FGF7: variants seen among roughly 807,000 people sequenced by gnomAD.
FGF7 encodes fibroblast growth factor 7, also known as FGF-7.
A neutral mutation model predicts 20.5 loss-of-function variants in FGF7; 6 were observed. That is an observed-to-expected ratio of 0.29 (90% confidence interval 0.16 to 0.58). The LOEUF (loss-of-function observed/expected upper bound fraction) is 0.58. FGF7 is among the 20% of genes least tolerant of loss of function. The pLI is 0.90. For missense variants in FGF7, 144 were observed against 228.8 expected (o/e 0.63, Z 2.39); for synonymous variants, 64 against 74.7 (o/e 0.86, Z 0.74).
chr15:49,447,895 A>G (rs2052373580), intron 2 of FGF7, among the ~76,000 whole-genome samples: 1 of 151,706 alleles, frequency 6.6e-6, no homozygotes, highest in South Asian at 2.1e-4. Flanking sequence ...CATGCCAATT[A>G]ATATAAGGTA....
intron 2 of FGF7, among the ~76,000 whole-genome samples, chr15:49,427,588 A>G (rs1293568469): frequency 6.6e-6 from 1 of 152,142 alleles, no homozygotes; most frequent in South Asian, 2.1e-4. Flanking sequence ...TATGCAAAAT[A>G]TAATTATTCT....
rs1480278300 is a variant in FGF7, at chr15:49,485,622, AG to A, written c.*1120del. The A allele has an allele frequency of 6.6e-6, 1 of 152,516 alleles. No individual in the cohort carries two copies. Among genetic ancestry groups the A allele is most frequent in the African/African-American group, 2.4e-5 (1 of 41,440 alleles). The allele number at this position is 152,516 out of a possible 1,614,324, so 9.4% of individuals were successfully genotyped here. On this transcript the variant is annotated 3_prime_UTR_variant, in exon 4 of 4. Transcript: ENST00000267843. ...AGCACTTGGGCCAGCAAATCCTGGAAGGCAGACAAAAATAAGAGCCTGAAGC... is the reference window on the plus strand; with the variant it reads ...AGCACTTGGGCCAGCAAATCCTGGAAGCAGACAAAAATAAGAGCCTGAAGC...
intron 2 of FGF7, among the ~76,000 whole-genome samples, chr15:49,456,225 C>G (rs1222325166): frequency 6.6e-6 from 1 of 151,880 alleles, no homozygotes; most frequent in Non-Finnish European, 1.5e-5. Flanking sequence ...CCCTATTTCC[C>G]TCTGAGACTT....
chr15:49,463,426 C>T (rs536911219), intron 2 of FGF7, among the ~76,000 whole-genome samples: 6 of 151,900 alleles, frequency 3.9e-5, no homozygotes, highest in South Asian at 2.1e-4. Flanking sequence ...TGGTGATGGG[C>T]GCCTGTAATC....
Position 49,424,327 on chromosome 15 carries a change from G to C in FGF7, c.30G>C (p.Leu10=). Residue 10 remains leucine, a synonymous_variant, in exon 2 of 4, where the codon CTG becomes CTC. Transcript: ENST00000267843. MHKWILTWI[L]PTLLYRSCFH... ...ACAAATGGATACTGACATGGATCCT[G>C]CCAACTTTGCTCTACAGATCATGCT... is the stretch of plus-strand genomic sequence containing the variant. 1 of 1,613,558 alleles carries C rather than the reference G, an allele frequency of 6.2e-7. No individual in the cohort carries two copies. The highest frequency in any genetic ancestry group is 8.5e-7 in the Non-Finnish European group (1 of 1,179,602).
At chr15:49,482,590 T>G (rs1372122984) in intron 2 of FGF7, among the ~76,000 whole-genome samples, 1 of 152,006 alleles carries the variant, frequency 6.6e-6, no homozygotes, top group East Asian at 1.9e-4. Flanking sequence ...AAGATAAAGT[T>G]TATCCAAATA....
chr15:49,424,650 T>C, intron 2 of FGF7, 67 bp downstream of exon 2: 1 of 1,211,030 alleles, frequency 8.3e-7, no homozygotes, highest in Non-Finnish European at 1.1e-6. Flanking sequence ...TCAGGTGATA[T>C]GTTTTCTCAT....
At chr15:49,450,748 AT>A (rs201242552) in intron 2 of FGF7, among the ~76,000 whole-genome samples, 3,531 of 152,276 alleles carry the variant, frequency 0.023, 88 homozygotes, top group South Asian at 0.13. Flanking sequence ...AACAAAACTA[AT>A]AACACTGCGT....
At chr15:49,430,978 C>CT (rs1428176632) in intron 2 of FGF7, among the ~76,000 whole-genome samples, 1 of 149,574 alleles carries the variant, frequency 6.7e-6, no homozygotes, top group Admixed American at 6.7e-5. Context: ...TAGGGCAAAG[C>CT]TTTTTTTATT....
Position 49,455,632 on chromosome 15 carries a change from TTAATC to T in FGF7, c.287-27514_287-27510del, listed in dbSNP as rs142445606. ...TTTAAAGAAATATTTTTAACAATTT[TTAATC>T]TAATGTCCTATATTTCTAAACAGAC... is the stretch of plus-strand genomic sequence containing the variant. On this transcript the variant is annotated intron_variant, in intron 2 of 3. Transcript: ENST00000267843. Among the ~76,000 whole-genome samples, 484 of 152,292 alleles carry T rather than the reference TTAATC, an allele frequency of 3.2e-3. 6 individuals carry two copies. Among genetic ancestry groups the T allele is most frequent in the East Asian group, 0.031 (160 of 5,186 alleles).
chr15:49,448,906 C>G (rs762223397), intron 2 of FGF7, among the ~76,000 whole-genome samples: 6 of 151,882 alleles, frequency 4.0e-5, no homozygotes, highest in Non-Finnish European at 8.8e-5. Context: ...GATACTTTCT[C>G]ATATCTAGGG....
At chr15:49,433,337 A>AT (rs1225490708) in intron 2 of FGF7, among the ~76,000 whole-genome samples, 2 of 150,950 alleles carry the variant, frequency 1.3e-5, no homozygotes, top group South Asian at 2.1e-4. Context: ...CTTACTTTTT[A>AT]TTTTTTTTAA....
At chr15:49,476,527 C>A (rs1209291831) in intron 2 of FGF7, among the ~76,000 whole-genome samples, 4 of 151,918 alleles carry the variant, frequency 2.6e-5, no homozygotes, top group African/African-American at 9.7e-5. Flanking sequence ...TCTTTACTGT[C>A]CATATTTCAC....
chr15:49,458,417 A>G (rs1477569886), intron 2 of FGF7, among the ~76,000 whole-genome samples: 1 of 152,058 alleles, frequency 6.6e-6, no homozygotes, highest in Non-Finnish European at 1.5e-5. Context: ...TGTGTTTCTA[A>G]TTAATTCTCA....
At chr15:49,460,491 G>C (rs2053691620) in intron 2 of FGF7, among the ~76,000 whole-genome samples, 1 of 152,138 alleles carries the variant, frequency 6.6e-6, no homozygotes, top group African/African-American at 2.4e-5. Flanking sequence ...TGTGGTACCA[G>C]GATTCTTTTT....
At chr15:49,441,059 T>C (rs989036473) in intron 2 of FGF7, among the ~76,000 whole-genome samples, 1 of 151,754 alleles carries the variant, frequency 6.6e-6, no homozygotes, top group Non-Finnish European at 1.5e-5. Flanking sequence ...TACTTATGAA[T>C]AGCTTACAAC....
chr15:49,471,490 TAATAATAA>T (rs1200913012), intron 2 of FGF7, among the ~76,000 whole-genome samples: 3 of 67,964 alleles, frequency 4.4e-5, no homozygotes, highest in African/African-American at 1.3e-4. Flanking sequence ...CTCAAAATAA[TAATAATAA>T]TAATAATAAT....
At chr15:49,448,848 C>A (rs1360616379) in intron 2 of FGF7, among the ~76,000 whole-genome samples, 1 of 151,792 alleles carries the variant, frequency 6.6e-6, no homozygotes, top group Non-Finnish European at 1.5e-5. Context: ...GAACCCTCTA[C>A]AATTTTCTTT....
At chr15:49,434,824 A>C (rs184128137) in intron 2 of FGF7, among the ~76,000 whole-genome samples, 238 of 151,636 alleles carry the variant, frequency 1.6e-3, no homozygotes, top group African/African-American at 5.6e-3. Flanking sequence ...GCAAGGGAAA[A>C]CATCAATAAT....
Sources: gnomAD v4.1 joint callset for allele counts (sites outside exome capture counted in the v4.1 genomes callset) on GRCh38, gnomAD v4.1.1 for gene constraint, MANE v1.5 for transcripts, NCBI Gene and HGNC (gene_info 2026-07-23, HGNC 2026-07-21) for gene names.